Variants in AXIN1 observed in about 807,000 individuals in gnomAD.
AXIN1 encodes the protein axin 1.
Under a neutral mutation model 76.4 loss-of-function variants are expected in AXIN1, and 30 were observed. The ratio of observed to expected loss-of-function variants is 0.39; its 90% CI spans 0.29 to 0.53. The LOEUF (loss-of-function observed/expected upper bound fraction) is 0.53. Among genes scored for constraint, AXIN1 ranks in the 20% least tolerant of loss-of-function variants. The pLI is 0.66. For synonymous variants in AXIN1, 545 were observed against 501.4 expected, an observed-to-expected ratio of 1.09 and a Z score of -1.16; for missense variants, 1,140 against 1,198.8, an observed-to-expected ratio of 0.95 and a Z score of 0.72.
chr16:307,673 G>A (rs998016461), intron 4 of AXIN1, among the ~76,000 whole-genome samples: 8 of 152,298 alleles, frequency 5.3e-5, no homozygotes, highest in African/African-American at 1.9e-4. Context: ...AGCCACAACA[G>A]GGTTCTGCTC....
chr16:295,497 G>A (rs557037790), intron 7 of AXIN1, among the ~76,000 whole-genome samples: 7 of 151,760 alleles, frequency 4.6e-5, no homozygotes, highest in Non-Finnish European at 8.8e-5. Flanking sequence ...TGCAGTGAAC[G>A]GTGTGATTAC....
intron 2 of AXIN1, among the ~76,000 whole-genome samples, chr16:331,791 G>A (rs150958320): frequency 2.0e-3 from 305 of 152,278 alleles, no homozygotes; most frequent in African/African-American, 7.0e-3. Flanking sequence ...CCAAGCAAAG[G>A]TGCAAGCCTG....
chr16:328,943 C>A (rs770643873), intron 2 of AXIN1, among the ~76,000 whole-genome samples: 7 of 152,050 alleles, frequency 4.6e-5, no homozygotes, highest in African/African-American at 7.2e-5. Flanking sequence ...TCTGCACAAC[C>A]CCTGGGTGCT....
chr16:296,465 G>C (rs1285038192), intron 7 of AXIN1, among the ~76,000 whole-genome samples: 1 of 152,218 alleles, frequency 6.6e-6, no homozygotes. Flanking sequence ...CCCTCCTGCT[G>C]GGTTCCGGGC....
chr16:340,658 T>C (rs2053898362), intron 2 of AXIN1, among the ~76,000 whole-genome samples: 1 of 152,104 alleles, frequency 6.6e-6, no homozygotes, highest in Non-Finnish European at 1.5e-5. Context: ...CCACTGACAA[T>C]GGGAACAAAG....
Position 297,737 on chromosome 16 carries a change from T to C in AXIN1, c.1769A>G (p.Asp590Gly), listed in dbSNP as rs2141508404. The change falls in exon 6 of 11, where the codon GAT becomes GGT. Residue 590 changes from aspartate (D) to glycine (G), a missense_variant. Asp to Gly is a moderately conservative substitution (Grantham distance 94). Transcript: ENST00000262320. The part of the protein sequence containing the change: ...ESVGAAPNAS[D>G]GLAHSGKVGV... ...GCACGCTCACCTGTGGGCGAGGCCATCACTGGCGTTGGGGGCAGCGCCAAC... is the reference window on the plus strand; with the variant it reads ...GCACGCTCACCTGTGGGCGAGGCCACCACTGGCGTTGGGGGCAGCGCCAAC... 6.3e-7 allele frequency: 1 copy of C among 1,599,042 alleles called. No homozygotes were observed. Among genetic ancestry groups the C allele is most frequent in the Non-Finnish European group, 8.5e-7 (1 of 1,174,880 alleles).
chr16:320,659 G>A (rs2053419595), intron 2 of AXIN1, among the ~76,000 whole-genome samples: 1 of 147,802 alleles, frequency 6.8e-6, no homozygotes, highest in African/African-American at 2.5e-5. Flanking sequence ...AAATATATAT[G>A]TATATATGTA....
intron 7 of AXIN1, among the ~76,000 whole-genome samples, chr16:295,162 G>C (rs187594242): frequency 6.7e-6 from 1 of 148,830 alleles, no homozygotes; most frequent in Admixed American, 6.7e-5. Flanking sequence ...GCAATGGCTC[G>C]ACCTCGGATC....
rs557053689 is a variant in AXIN1 at position 349,946 on chromosome 16, G to A, written c.-82+2423C>T. ...CTCAAGTGGCGGGGACTACAGGCAC[G>A]AGTCATCAACGCCCGGCTAATTACT... On this transcript the variant is annotated intron_variant, in intron 1 of 10. Coordinates refer to ENST00000262320, the MANE Select transcript of AXIN1 (RefSeq NM_003502.4). Among the ~76,000 whole-genome samples, 23 of 152,226 alleles carry A rather than the reference G, an allele frequency of 1.5e-4. No individual in the cohort carries two copies. The South Asian group carries it at 3.1e-3, about 21-fold the overall frequency.
Position 304,423 on chromosome 16 carries a change from T to C in AXIN1, c.1135A>G (p.Lys379Glu), listed in dbSNP as rs1351085269. Residue 379 changes from lysine to glutamate, a missense_variant, in exon 5 of 11, where the codon AAG (lysine) becomes GAG (glutamate). Physicochemically the swap from Lys to Glu is moderately conservative, Grantham distance 56. Around this residue, in one of 3 missense-constraint regions of AXIN1, gnomAD observed 708 missense variants for 776.9 expected, o/e 0.91. Transcript: ENST00000262320. The stretch of plus-strand genomic sequence containing the variant: ...TTCTGAGGCTCCACGCGGACCTCCT[T>C]CGGCACCCGGTACGTGCGCTGCGAG... Reference protein sequence around the residue: ...PHIPRTYRVPKEVRVEPQKFA... With the variant: ...PHIPRTYRVPEEVRVEPQKFA... 2 of 1,612,706 alleles carry C rather than the reference T, an allele frequency of 1.2e-6. No individual in the cohort carries two copies. The highest frequency in any genetic ancestry group is 1.7e-6 in the Non-Finnish European group (2 of 1,179,958).
chr16:333,487 G>A (rs2053736725), intron 2 of AXIN1, among the ~76,000 whole-genome samples: 1 of 149,278 alleles, frequency 6.7e-6, no homozygotes, highest in Non-Finnish European at 1.5e-5. Context: ...CAGAATTAAA[G>A]GACAAGTTTC....
intron 5 of AXIN1, among the ~76,000 whole-genome samples, chr16:302,621 C>G (rs1040073318): frequency 1.3e-5 from 2 of 152,302 alleles, no homozygotes; most frequent in Admixed American, 6.5e-5. Flanking sequence ...TCCACCCTCA[C>G]GGTGGCATCT....
Position 352,388 on chromosome 16 carries a change from G to T in AXIN1, c.-101C>A. ...ACTCACCCGCGCGCGGTGGTGGCGG[G>T]ACCCCGGGCCCGGCTCCCGGAGCGG... On this transcript the variant is annotated 5_prime_UTR_variant, in exon 1 of 11. Coordinates refer to ENST00000262320, the MANE Select transcript of AXIN1 (RefSeq NM_003502.4). 1 of 972,844 alleles carries T rather than the reference G, an allele frequency of 1.0e-6. No homozygotes were observed. The highest frequency in any genetic ancestry group is 1.2e-6 in the Non-Finnish European group (1 of 824,696). 60.3% of individuals were successfully genotyped at this position (972,844 alleles called of 1,614,324 possible). A position where few individuals can be genotyped will look rare whatever the true frequency, so the allele number is the denominator to read the frequency against.
chr16:304,879 T>C (rs928408274), intron 4 of AXIN1, among the ~76,000 whole-genome samples: 1 of 152,170 alleles, frequency 6.6e-6, no homozygotes, highest in Non-Finnish European at 1.5e-5. Flanking sequence ...CTCCTTTCAG[T>C]TGGGAATCAA....
intron 10 of AXIN1, among the ~76,000 whole-genome samples, chr16:288,640 C>G (rs1164988742): frequency 6.6e-6 from 1 of 152,238 alleles, no homozygotes; most frequent in African/African-American, 2.4e-5. Context: ...GGTGTTTGCA[C>G]AGTGGCTTGT....
intron 1 of AXIN1, among the ~76,000 whole-genome samples, chr16:348,511 T>C (rs972471598): frequency 1.6e-4 from 24 of 152,118 alleles, no homozygotes; most frequent in Non-Finnish European, 3.4e-4. Context: ...GCACGAAGGA[T>C]CCACAGAGCC....
chr16:325,531 G>A (rs1360201694), intron 2 of AXIN1, among the ~76,000 whole-genome samples: 3 of 152,232 alleles, frequency 2.0e-5, no homozygotes, highest in South Asian at 4.1e-4. Context: ...CACAGCCAGC[G>A]CCCTCCCCAC....
At chr16:295,884 T>A (rs778223557) in intron 7 of AXIN1, among the ~76,000 whole-genome samples, 7 of 152,082 alleles carry the variant, frequency 4.6e-5, no homozygotes, top group Non-Finnish European at 1.0e-4. Context: ...GGAGAATTGC[T>A]TGAACCCAGG....
chr16:352,272 C>A, intron 1 of AXIN1, 97 bp downstream of exon 1: 1 of 768,340 alleles, frequency 1.3e-6, no homozygotes, highest in South Asian at 5.7e-5. Flanking sequence ...CCCCCTCGGT[C>A]CCACGCGCGT....
Sources: gnomAD v4.1 joint callset for allele counts (sites outside exome capture counted in the v4.1 genomes callset) on GRCh38, gnomAD v4.1.1 for gene constraint, gnomAD v4.1.1 regional missense constraint, MANE v1.5 for transcripts, NCBI Gene and HGNC (gene_info 2026-07-23, HGNC 2026-07-21) for gene names.